CARS1: variants seen among roughly 807,000 people sequenced by gnomAD.
The protein encoded by CARS1 is cysteine--tRNA ligase, cytoplasmic.
CARS1 carries 48 observed loss-of-function variants against 106.2 expected under a neutral mutation model. The observed-to-expected ratio is 0.45, with a 90% CI of 0.36 to 0.57. The LOEUF (loss-of-function observed/expected upper bound fraction) is 0.57. Among genes scored for constraint, CARS1 ranks in the 20% least tolerant of loss-of-function variants. CARS1 has a pLI of 0.00. For missense variants in CARS1, 968 were observed against 1,057.2 expected, an observed-to-expected ratio of 0.92 and a Z score of 1.17; for synonymous variants, 409 against 403.4, an observed-to-expected ratio of 1.01 and a Z score of -0.17.
At chr11:3,007,202 C>A in intron 18 of CARS1, 1 of 570,648 alleles carries the variant, frequency 1.8e-6, no homozygotes, top group Non-Finnish European at 3.1e-6. Flanking sequence ...AGCCCAGGGG[C>A]TGTTCTGGGG....
chr11:3,025,881 C>G (rs1027788995), intron 10 of CARS1, among the ~76,000 whole-genome samples: 7 of 152,212 alleles, frequency 4.6e-5, no homozygotes, highest in Non-Finnish European at 8.8e-5. Flanking sequence ...TCCCAGCACC[C>G]CACAATCCCC....
At chr11:3,032,784 G>A (rs1019354004) in intron 7 of CARS1, among the ~76,000 whole-genome samples, 1 of 151,602 alleles carries the variant, frequency 6.6e-6, no homozygotes, top group African/African-American at 2.4e-5. Flanking sequence ...CACAGAGGAT[G>A]TTCAGGGCAG....
Position 3,040,401 on chromosome 11 carries a change from C to A in CARS1, c.456-470G>T. 2.5e-6 allele frequency: 1 copy of A among 397,996 alleles called. No homozygotes were observed. 24.7% of individuals were successfully genotyped at this position (397,996 alleles called of 1,614,324 possible). A position where few individuals can be genotyped will look rare whatever the true frequency, so the allele number is the denominator to read the frequency against. ...AAGGGTTGACTATACATGACCTTGG[C>A]ACTGCAACTAAAACATGAACACATA... On this transcript the variant is annotated intron_variant, in intron 4 of 22. Coordinates refer to ENST00000380525, the MANE Select transcript of CARS1 (RefSeq NM_001014437.3). The surrounding 1 kb of genome is among the most constrained non-coding windows in gnomAD (Gnocchi z 5.8).
At position 3,003,024 on chromosome 11, in the gene CARS1, G is replaced by A. The variant is rs560447836; in HGVS notation, c.2218-424C>T. ...GGGGTACCTGGGAAGGAGCAAGAGCGCCAGGGCAGGATGGGGATGGTGGGC... is the reference window on the plus strand; with the variant it reads ...GGGGTACCTGGGAAGGAGCAAGAGCACCAGGGCAGGATGGGGATGGTGGGC... On this transcript the variant is annotated intron_variant, in intron 20 of 22. Transcript: ENST00000380525. The surrounding 1 kb of genome is among the most constrained non-coding windows in gnomAD (Gnocchi z 4.8). Among the ~76,000 whole-genome samples the A allele has an allele frequency of 1.4e-4, 22 of 152,336 alleles. No homozygotes were observed. The highest frequency in any genetic ancestry group is 2.1e-4 in the South Asian group (1 of 4,832).
At chr11:3,018,595 G>A (rs779784348) in intron 13 of CARS1, 25 bp downstream of exon 13, 3 of 1,613,612 alleles carry the variant, frequency 1.9e-6, no homozygotes, top group Non-Finnish European at 2.5e-6. Flanking sequence ...TGGTTGGGGG[G>A]TCTGTGGGAG....
At chr11:3,042,840 G>C (rs1234190261) in intron 2 of CARS1, among the ~76,000 whole-genome samples, 1 of 152,214 alleles carries the variant, frequency 6.6e-6, no homozygotes, top group Non-Finnish European at 1.5e-5. Flanking sequence ...TCCAAGCCCT[G>C]GCAGCAGAAG....
Position 3,003,414 on chromosome 11 carries a change from T to C in CARS1, c.2218-814A>G, listed in dbSNP as rs1358010194. Among the ~76,000 whole-genome samples, 1 of 152,182 alleles carries C rather than the reference T, an allele frequency of 6.6e-6. No individual in the cohort carries two copies. Among genetic ancestry groups the C allele is most frequent in the Non-Finnish European group, 1.5e-5 (1 of 68,030 alleles). ...TTGGGGAGTTGAAAATCACATTTAC[T>C]TTGGACAGCCTAGATATCAGAGGCT... On this transcript the variant is annotated intron_variant, in intron 20 of 22. Transcript: ENST00000380525. The surrounding 1 kb of genome is among the most constrained non-coding windows in gnomAD (Gnocchi z 4.8).
intron 18 of CARS1, 56 bp downstream of exon 18, chr11:3,012,139 C>A: frequency 6.7e-7 from 1 of 1,486,074 alleles, no homozygotes; most frequent in Non-Finnish European, 9.4e-7. Flanking sequence ...ACGCCCGGTC[C>A]GGGGAGCCCA....
At position 3,028,997 on chromosome 11, in the gene CARS1, C is replaced by A. The variant is rs372317992; in HGVS notation, c.1030G>T (p.Gly344Cys). The part of the protein sequence containing the change: ...FVQKIVDNGY[G>C]YVSNGSVYFD... The stretch of plus-strand genomic sequence containing the variant: ...CCTAGGGAAGGCCCTTGTGCTTACC[C>A]GTAACCGTTGTCCACAATCTTCTGG... The change falls in exon 9 of 23, where the codon GGC becomes TGC. Residue 344 changes from glycine to cysteine, a missense_variant and splice_region_variant. Gly to Cys is a radical substitution (Grantham distance 159, BLOSUM62 -3). Transcript: ENST00000380525. The surrounding 1 kb of genome is among the most constrained non-coding windows in gnomAD (Gnocchi z 4.4). The A allele has an allele frequency of 5.0e-6, 8 of 1,611,920 alleles. No individual in the cohort carries two copies. Among genetic ancestry groups the A allele is most frequent in the African/African-American group, 1.3e-5 (1 of 74,864 alleles).
chr11:3,012,262 G>A lies in CARS1; in HGVS notation c.2001C>T (p.Val667=). The A allele has an allele frequency of 2.5e-6, 4 of 1,614,204 alleles. No individual in the cohort carries two copies. Among genetic ancestry groups the A allele is most frequent in the East Asian group, 2.2e-5 (1 of 44,888 alleles). ...CTGATAACACCTGAAGGTAGGGCATGACTGTGGCCTCGAGCTGCGGAAAGA... is the reference window on the plus strand; with the variant it reads ...CTGATAACACCTGAAGGTAGGGCATAACTGTGGCCTCGAGCTGCGGAAAGA... ...PGTSLSLEAT[V]MPYLQVLSEF... The change falls in exon 18 of 23, where the codon GTC becomes GTT. Residue 667 remains valine, a synonymous_variant. Transcript: ENST00000380525.
Position 3,021,647 on chromosome 11 carries a change from C to G in CARS1, c.1154-1315G>C, listed in dbSNP as rs1354953021. On this transcript the variant is annotated intron_variant, in intron 10 of 22. Coordinates refer to ENST00000380525, the MANE Select transcript of CARS1 (RefSeq NM_001014437.3). The surrounding 1 kb of genome is among the most constrained non-coding windows in gnomAD (Gnocchi z 5.3). ...AAAAAGAAAACTAGGAAAAAAATTG[C>G]CATTATCTTTTAACCTAGGAATTAC... 6.6e-6 allele frequency among the ~76,000 whole-genome samples: 1 copy of G among 152,152 alleles called. No homozygotes were observed. Among genetic ancestry groups the G allele is most frequent in the East Asian group, 1.9e-4 (1 of 5,196 alleles).
rs146919113 is a variant in CARS1 at position 3,046,011 on chromosome 11, G to A, written c.274+1742C>T. On this transcript the variant is annotated intron_variant, in intron 2 of 22. Transcript: ENST00000380525. The surrounding 1 kb of genome is among the most constrained non-coding windows in gnomAD (Gnocchi z 5.8). ...CAGCAAGCTTGAGTGAGGGTCGCCT[G>A]ACATAATGCCCATCATTCCTGGCAC... 4.3e-3 allele frequency among the ~76,000 whole-genome samples: 660 copies of A among 152,270 alleles called. 2 individuals are homozygous for A. Among genetic ancestry groups the A allele is most frequent in the South Asian group, 0.018 (88 of 4,826 alleles).
chr11:3,016,583 T>A (rs1171574371), intron 16 of CARS1, among the ~76,000 whole-genome samples: 1 of 152,098 alleles, frequency 6.6e-6, no homozygotes, highest in African/African-American at 2.4e-5. Flanking sequence ...AGGAAAGAAA[T>A]AGCTCTGAGT....
In CARS1 at chr11:3,048,076, G is replaced by C; in HGVS notation, c.26-75C>G. ...GAGGCCGCCAGAAAGACAGGGACTA[G>C]GGGATGGCACAGAACCAAGGAAAAA... On this transcript the variant is annotated intron_variant, in intron 1 of 22. Coordinates refer to ENST00000380525, the MANE Select transcript of CARS1 (RefSeq NM_001014437.3). This position sits in a 1 kb window ranked among gnomAD's most constrained non-coding sequence, Gnocchi z 5.1. The C allele has an allele frequency of 6.4e-7, 1 of 1,559,620 alleles. No individual in the cohort carries two copies. The highest frequency in any genetic ancestry group is 1.4e-5 in the African/African-American group (1 of 73,964).
At chr11:3,001,396 G>C (rs1036641542) in intron 22 of CARS1, 148 bp from the exon 23 acceptor site, 26 of 899,904 alleles carry the variant, frequency 2.9e-5, no homozygotes, top group Middle Eastern at 3.4e-4. Context: ...CACTGCTCTG[G>C]AGCCAGCACA....
chr11:3,050,655 A>G lies in CARS1; in HGVS notation c.26-2654T>C, dbSNP rs1855578812. 6.6e-6 allele frequency among the ~76,000 whole-genome samples: 1 copy of G among 152,162 alleles called. No homozygotes were observed. Among genetic ancestry groups the G allele is most frequent in the Admixed American group, 6.5e-5 (1 of 15,272 alleles). On this transcript the variant is annotated intron_variant, in intron 1 of 22. Coordinates refer to ENST00000380525, the MANE Select transcript of CARS1 (RefSeq NM_001014437.3). The surrounding 1 kb of genome is among the most constrained non-coding windows in gnomAD (Gnocchi z 6.3). ...GCACAAGCCTGTCCTCATGCTGGCC[A>G]TGGGCCCCCACCTGACTCACAATAC... is the stretch of plus-strand genomic sequence containing the variant.
rs149942103 is a variant in CARS1, at chr11:3,056,678, C to A, written c.25+665G>T. 1.1e-3 allele frequency among the ~76,000 whole-genome samples: 175 copies of A among 152,362 alleles called. 1 individual carries two copies. Among genetic ancestry groups the A allele is most frequent in the African/African-American group, 3.9e-3 (163 of 41,584 alleles). On this transcript the variant is annotated intron_variant, in intron 1 of 22. Coordinates refer to ENST00000380525, the MANE Select transcript of CARS1 (RefSeq NM_001014437.3). Reference sequence around the variant, plus strand: ...TCTGCCCCATTTCCCTAAATACCAACCTCAGGTGCCCTCCGCCCACCTCCC... The same window carrying A: ...TCTGCCCCATTTCCCTAAATACCAAACTCAGGTGCCCTCCGCCCACCTCCC...
chr11:3,017,851 C>T lies in CARS1; in HGVS notation c.1727+6G>A. On this transcript the variant is annotated splice_donor_region_variant and intron_variant, in intron 15 of 22. Transcript: ENST00000380525. The surrounding 1 kb of genome is among the most constrained non-coding windows in gnomAD (Gnocchi z 4.9). The stretch of plus-strand genomic sequence containing the variant: ...CAAAAACCCCAAAGAAATGGCACCA[C>T]CTTACTTCTTATTCAGTTCTGCTTC... 2 of 1,597,598 alleles carry T rather than the reference C, an allele frequency of 1.3e-6. No homozygotes were observed. Among genetic ancestry groups the T allele is most frequent in the Non-Finnish European group, 1.7e-6 (2 of 1,165,232 alleles).
rs929573575 is a variant in CARS1 at position 3,053,263 on chromosome 11, G to A, written c.25+4080C>T. Among the ~76,000 whole-genome samples the A allele has an allele frequency of 4.2e-4, 63 of 151,514 alleles. No individual in the cohort carries two copies. Among genetic ancestry groups the A allele is most frequent in the African/African-American group, 1.5e-3 (60 of 41,276 alleles). On this transcript the variant is annotated intron_variant, in intron 1 of 22. Coordinates refer to ENST00000380525, the MANE Select transcript of CARS1 (RefSeq NM_001014437.3). The surrounding 1 kb of genome is among the most constrained non-coding windows in gnomAD (Gnocchi z 6.6). ...ATTTTATTTTTTGAGACGGAGTCTC[G>A]CTCGTCACCCAGGCTGGAGTGCAGT...
Sources: allele counts gnomAD v4.1 joint callset (sites outside exome capture counted in the v4.1 genomes callset), GRCh38; gene constraint gnomAD v4.1.1; non-coding constraint Gnocchi (gnomAD v3.1); transcripts MANE v1.5; gene names NCBI Gene and HGNC (gene_info 2026-07-23, HGNC 2026-07-21).